FRMD5: variants seen among roughly 807,000 people sequenced by gnomAD.
FRMD5 encodes the protein FERM domain-containing protein 5.
In FRMD5, 20 loss-of-function variants were observed where a neutral mutation model predicts 69.0. The observed-to-expected ratio is 0.29, with a 90% CI of 0.20 to 0.42. FRMD5 has a LOEUF of 0.42. Ranked by LOEUF, FRMD5 falls within the 10% of genes least tolerant of loss-of-function variation. FRMD5 has a pLI of 1.00. For missense variants in FRMD5, 595 were observed against 708.6 expected (o/e 0.84, Z 1.82); for synonymous variants, 271 against 260.1 (o/e 1.04, Z -0.40).
rs565515583 is a variant in FRMD5 at position 43,873,276 on chromosome 15, A to G, written c.*609T>C. 5.7e-5 allele frequency: 87 copies of G among 1,539,086 alleles called. No individual in the cohort carries two copies. Among genetic ancestry groups the G allele is most frequent in the South Asian group, 2.6e-4 (21 of 82,002 alleles). On this transcript the variant is annotated 3_prime_UTR_variant, in exon 14 of 14. Transcript: ENST00000417257. ...AAGAAAATCCAACTCAGACCATCAT[A>G]AGAAGCAACTTTCCATTTAATCATT...
chr15:43,874,831 C>T (rs143100633), intron 13 of FRMD5, among the ~76,000 whole-genome samples: 12 of 152,042 alleles, frequency 7.9e-5, no homozygotes, highest in African/African-American at 1.7e-4. Context: ...ACCCGGGAGG[C>T]GGAGGTTGCA....
intron 1 of FRMD5, among the ~76,000 whole-genome samples, chr15:43,927,795 G>C (rs908092195): frequency 2.6e-5 from 4 of 151,666 alleles, no homozygotes; most frequent in Non-Finnish European, 4.4e-5. Flanking sequence ...TGAGTTTTAC[G>C]GGCTGAAGAA....
chr15:43,905,168 G>A (rs891940742), intron 6 of FRMD5, among the ~76,000 whole-genome samples: 4 of 133,924 alleles, frequency 3.0e-5, no homozygotes, highest in Non-Finnish European at 4.6e-5. Context: ...ATGGAGTCTC[G>A]CTCTGTCACC....
intron 1 of FRMD5, among the ~76,000 whole-genome samples, chr15:44,151,660 A>G (rs2077449350): frequency 6.6e-6 from 1 of 152,144 alleles, no homozygotes; most frequent in Non-Finnish European, 1.5e-5. Context: ...AAACTCTTAG[A>G]ACAAACAGAA....
chr15:44,197,694 A>G (rs575574095), upstream of FRMD5, among the ~76,000 whole-genome samples: 51 of 151,608 alleles, frequency 3.4e-4, no homozygotes, highest in African/African-American at 5.1e-4. Flanking sequence ...AAAAAAAAAA[A>G]AAAAGAAAGA....
At chr15:44,142,108 T>C (rs1355396682) in intron 1 of FRMD5, among the ~76,000 whole-genome samples, 1 of 152,132 alleles carries the variant, frequency 6.6e-6, no homozygotes, top group South Asian at 2.1e-4. Flanking sequence ...GAAGGCTTCA[T>C]CCAAATAACT....
At chr15:44,009,386 A>G (rs764875026) in intron 1 of FRMD5, among the ~76,000 whole-genome samples, 2 of 152,220 alleles carry the variant, frequency 1.3e-5, no homozygotes, top group African/African-American at 4.8e-5. Flanking sequence ...GTACATTTTT[A>G]AAGTAACATG....
intron 5 of FRMD5, among the ~76,000 whole-genome samples, chr15:43,907,521 G>C (rs1335057664): frequency 6.7e-6 from 1 of 148,574 alleles, no homozygotes; most frequent in African/African-American, 2.5e-5. Context: ...CACACCCCAG[G>C]CCTAGCTTTT....
chr15:43,928,527 C>T (rs2089623458), intron 1 of FRMD5, among the ~76,000 whole-genome samples: 1 of 152,172 alleles, frequency 6.6e-6, no homozygotes, highest in South Asian at 2.1e-4. Flanking sequence ...GATGGGCTCC[C>T]TACAAGCCAA....
intron 13 of FRMD5, among the ~76,000 whole-genome samples, chr15:43,876,636 G>C (rs774437612): frequency 6.6e-6 from 1 of 152,196 alleles, no homozygotes; most frequent in Non-Finnish European, 1.5e-5. Flanking sequence ...AGCTTATAAG[G>C]TCAATATTTT....
intron 1 of FRMD5, among the ~76,000 whole-genome samples, chr15:43,978,019 A>C (rs1048106545): frequency 1.3e-5 from 2 of 151,968 alleles, no homozygotes; most frequent in South Asian, 2.1e-4. Context: ...TTTATTATAA[A>C]AACTTTATTA....
In FRMD5 at chr15:44,037,234, G is replaced by A. The variant is rs112197972; in HGVS notation, c.103-112925C>T. On this transcript the variant is annotated intron_variant, in intron 1 of 13. Transcript: ENST00000417257. ...CTCCCACTTATGAGTGAGAACATAC[G>A]GTGTTTGGTTTTCTGTTCCTGTGAT... 7.4e-3 allele frequency among the ~76,000 whole-genome samples: 1,118 copies of A among 152,026 alleles called. 20 individuals carry two copies. The highest frequency in any genetic ancestry group is 0.026 in the African/African-American group (1,068 of 41,432).
At chr15:44,151,506 T>C (rs1465743946) in intron 1 of FRMD5, among the ~76,000 whole-genome samples, 1 of 151,674 alleles carries the variant, frequency 6.6e-6, no homozygotes, top group East Asian at 1.9e-4. Context: ...CAAAAACAAT[T>C]CAATATATAA....
chr15:44,133,771 T>C (rs1022804141), intron 1 of FRMD5, among the ~76,000 whole-genome samples: 1 of 152,058 alleles, frequency 6.6e-6, no homozygotes, highest in African/African-American at 2.4e-5. Context: ...AAGAAGCCTA[T>C]ATAAAATTCA....
chr15:44,069,711 C>T (rs61676555), intron 1 of FRMD5, among the ~76,000 whole-genome samples: 3,336 of 152,104 alleles, frequency 0.022, 136 homozygotes, highest in African/African-American at 0.077. Context: ...ATCATGGTGA[C>T]GGAAATGTTC....
intron 1 of FRMD5, among the ~76,000 whole-genome samples, chr15:44,128,336 T>C (rs1595496979): frequency 6.6e-6 from 1 of 152,240 alleles, no homozygotes; most frequent in East Asian, 1.9e-4. Flanking sequence ...AAAAATTAGC[T>C]GGGCGTGGTG....
At chr15:43,995,050 C>T (rs1350694423) in intron 1 of FRMD5, among the ~76,000 whole-genome samples, 2 of 152,102 alleles carry the variant, frequency 1.3e-5, no homozygotes, top group African/African-American at 2.4e-5. Context: ...TATAGTCATC[C>T]CTCAGCATCT....
chr15:44,145,316 TAACAC>T (rs895235030), intron 1 of FRMD5, among the ~76,000 whole-genome samples: 3 of 152,324 alleles, frequency 2.0e-5, no homozygotes, highest in African/African-American at 7.2e-5. Flanking sequence ...GTGTGCCTGT[TAACAC>T]AACCACTTAA....
At chr15:44,156,882 C>T (rs1476055630) in intron 1 of FRMD5, among the ~76,000 whole-genome samples, 3 of 151,996 alleles carry the variant, frequency 2.0e-5, no homozygotes, top group Admixed American at 6.6e-5. Context: ...GCCTGAGCAA[C>T]ATAGAGAGAT....
Sources: gnomAD v4.1 joint callset for allele counts (sites outside exome capture counted in the v4.1 genomes callset) on GRCh38, gnomAD v4.1.1 for gene constraint, MANE v1.5 for transcripts, NCBI Gene and HGNC (gene_info 2026-07-23, HGNC 2026-07-21) for gene names.